Variants in AP4S1 observed in about 807,000 individuals in gnomAD.
AP4S1 encodes adaptor related protein complex 4 subunit sigma 1, also known as AP-4 complex subunit sigma-1.
Under a neutral mutation model 19.8 loss-of-function variants are expected in AP4S1, and 23 were observed. That is an observed-to-expected ratio of 1.16 (90% CI 0.84 to 1.65). The LOEUF is 1.65. Among genes scored for constraint, AP4S1 ranks in the 40% most tolerant of loss-of-function variants. The pLI is 0.00. For missense variants in AP4S1, 166 were observed against 172.8 expected, an observed-to-expected ratio of 0.96 and a Z score of 0.22; for synonymous variants, 46 against 54.1, an observed-to-expected ratio of 0.85 and a Z score of 0.66.
intron 1 of AP4S1, among the ~76,000 whole-genome samples, chr14:31,062,250 C>G (rs555864236): frequency 1.3e-5 from 2 of 152,146 alleles, no homozygotes; most frequent in East Asian, 3.9e-4. Context: ...AGGCGCCCAC[C>G]ACCATGTCCA....
At chr14:31,082,744 A>C (rs542504434) in intron 5 of AP4S1, among the ~76,000 whole-genome samples, 1 of 150,688 alleles carries the variant, frequency 6.6e-6, no homozygotes, top group East Asian at 1.9e-4. Context: ...AAAATACAAA[A>C]AATTAGCCGG....
At chr14:31,062,713 A>G (rs936845341) in intron 1 of AP4S1, among the ~76,000 whole-genome samples, 2 of 152,090 alleles carry the variant, frequency 1.3e-5, no homozygotes, top group Non-Finnish European at 2.9e-5. Flanking sequence ...CATGCCTGTA[A>G]TCCCAGCACT....
At chr14:31,027,803 A>T (rs1884120704) in intron 1 of AP4S1, among the ~76,000 whole-genome samples, 1 of 152,232 alleles carries the variant, frequency 6.6e-6, no homozygotes, top group Admixed American at 6.5e-5. Context: ...AAAAATTAAT[A>T]TAGCTAAGAA....
At chr14:31,061,446 G>A (rs117569983) in intron 1 of AP4S1, among the ~76,000 whole-genome samples, 19 of 152,230 alleles carry the variant, frequency 1.2e-4, no homozygotes, top group Admixed American at 1.1e-3. Flanking sequence ...TCTGACAGCC[G>A]AGCATTTAGC....
intron 5 of AP4S1, among the ~76,000 whole-genome samples, chr14:31,087,232 G>A (rs1887945191): frequency 6.6e-6 from 1 of 152,102 alleles, no homozygotes; most frequent in Non-Finnish European, 1.5e-5. Flanking sequence ...GAGGTCCAAA[G>A]AGGTTCTGTG....
intron 1 of AP4S1, among the ~76,000 whole-genome samples, chr14:31,037,105 C>A (rs979349498): frequency 2.4e-4 from 37 of 152,142 alleles, no homozygotes; most frequent in African/African-American, 7.9e-4. Context: ...AGCCACCACG[C>A]CCGGCCAAGT....
At chr14:31,026,198 C>T (rs776706258) in intron 1 of AP4S1, 77 of 1,413,674 alleles carry the variant, frequency 5.4e-5, no homozygotes, top group Admixed American at 6.7e-5. Flanking sequence ...TGTGTGGGGC[C>T]CCGGCCGGGG....
chr14:31,041,989 C>T (rs562886761), intron 1 of AP4S1, among the ~76,000 whole-genome samples: 37 of 152,258 alleles, frequency 2.4e-4, no homozygotes, highest in Non-Finnish European at 3.8e-4. Flanking sequence ...CCATCACACC[C>T]GGCTAATTTT....
chr14:31,072,058 A>G (rs1887041915), intron 3 of AP4S1, among the ~76,000 whole-genome samples: 1 of 151,722 alleles, frequency 6.6e-6, no homozygotes. Flanking sequence ...CTCCTGCCTC[A>G]GCCTCCCACG....
chr14:31,039,234 G>A (rs965217979), intron 1 of AP4S1, among the ~76,000 whole-genome samples: 5 of 151,858 alleles, frequency 3.3e-5, no homozygotes, highest in African/African-American at 1.2e-4. Flanking sequence ...CGCCTAGGCT[G>A]GAGTGCAGTA....
At chr14:31,060,426 C>T (rs529559245) in intron 1 of AP4S1, among the ~76,000 whole-genome samples, 1 of 152,156 alleles carries the variant, frequency 6.6e-6, no homozygotes, top group Admixed American at 6.6e-5. Flanking sequence ...TGTAGACCAG[C>T]GCCTTTGCTA....
At chr14:31,062,271 G>T (rs79385270) in intron 1 of AP4S1, among the ~76,000 whole-genome samples, 34,555 of 151,716 alleles carry the variant, frequency 0.23, 4,417 homozygotes, top group African/African-American at 0.34. Flanking sequence ...GCTAATTTTT[G>T]TATTTTTAGT....
intron 4 of AP4S1, among the ~76,000 whole-genome samples, chr14:31,078,849 G>A (rs1043123643): frequency 6.6e-6 from 1 of 152,104 alleles, no homozygotes; most frequent in African/African-American, 2.4e-5. Context: ...AAGAAGAAGA[G>A]GAAGAGGGAA....
At chr14:31,048,663 C>G (rs1251755015) in intron 1 of AP4S1, among the ~76,000 whole-genome samples, 1 of 152,000 alleles carries the variant, frequency 6.6e-6, no homozygotes. Flanking sequence ...CACATGACCT[C>G]AAGAAGCAGA....
chr14:31,040,148 CTTTTTT>C (rs148109049), intron 1 of AP4S1, among the ~76,000 whole-genome samples: 1 of 129,532 alleles, frequency 7.7e-6, no homozygotes, highest in Non-Finnish European at 1.6e-5. Flanking sequence ...TACTCTGCAT[CTTTTTT>C]TTTTTTTTTT....
At chr14:31,057,661 T>C (rs1941174221) in intron 1 of AP4S1, among the ~76,000 whole-genome samples, 1 of 152,152 alleles carries the variant, frequency 6.6e-6, no homozygotes, top group Admixed American at 6.6e-5. Context: ...AGTCTTGCTC[T>C]GTCACCCAGG....
intron 2 of AP4S1, 27 bp from the exon 3 acceptor site, chr14:31,069,816 A>G: frequency 6.5e-7 from 1 of 1,543,616 alleles, no homozygotes; most frequent in Non-Finnish European, 9.0e-7. Flanking sequence ...AGCCACAGGA[A>G]TTAATATCTC....
intron 1 of AP4S1, among the ~76,000 whole-genome samples, chr14:31,037,621 C>T (rs776367795): frequency 6.6e-6 from 1 of 152,104 alleles, no homozygotes; most frequent in Non-Finnish European, 1.5e-5. Flanking sequence ...CTCTGGGCAA[C>T]AGTTGGGCAG....
At chr14:31,073,340 A>G (rs1197152979) in intron 4 of AP4S1, among the ~76,000 whole-genome samples, 23 of 142,438 alleles carry the variant, frequency 1.6e-4, no homozygotes, top group Non-Finnish European at 3.1e-4. Flanking sequence ...AATACAAAAA[A>G]TTAGCTGGGC....
Sources: allele counts gnomAD v4.1 joint callset (sites outside exome capture counted in the v4.1 genomes callset), GRCh38; gene constraint gnomAD v4.1.1; transcripts MANE v1.5; gene names NCBI Gene and HGNC (gene_info 2026-07-23, HGNC 2026-07-21).